Variants in SLCO4A1 observed in about 807,000 individuals in gnomAD.
The protein encoded by SLCO4A1 is solute carrier organic anion transporter family member 4A1.
SLCO4A1 carries 51 observed loss-of-function variants against 64.6 expected under a neutral mutation model. That is an observed-to-expected ratio of 0.79 (90% CI 0.63 to 1.00). SLCO4A1 has a LOEUF of 1.00. Ranked by LOEUF, SLCO4A1 falls within the 50% of genes least tolerant of loss-of-function variation. The pLI, the probability that SLCO4A1 is intolerant of heterozygous loss-of-function variation, is 0.00. For missense variants in SLCO4A1, 919 were observed against 980.5 expected (o/e 0.94, Z 0.84); for synonymous variants, 471 against 444.9 (o/e 1.06, Z -0.74).
In SLCO4A1 at chr20:62,656,905, A is replaced by G. The variant is rs1414535514; in HGVS notation, c.451A>G (p.Ile151Val). 6.4e-7 allele frequency: 1 copy of G among 1,570,502 alleles called. No individual in the cohort carries two copies. The highest frequency in any genetic ancestry group is 8.7e-7 in the Non-Finnish European group (1 of 1,152,386). ...CGGGCTCATCGCCAGCTCCTACGAC[A>G]TTGCCGCCTGCCTCTGCCTCACCTT... The part of the protein sequence containing the change: ...QSGLIASSYD[I>V]AACLCLTFVS... The change falls in exon 2 of 12, where the codon ATT (isoleucine) becomes GTT (valine). Residue 151 changes from isoleucine (I) to valine (V), a missense_variant. Ile to Val is a conservative substitution (Grantham distance 29). Transcript: ENST00000217159.
chr20:62,660,372 G>A (rs1223568801), intron 3 of SLCO4A1, 40 bp from the exon 4 acceptor site: 6 of 1,591,034 alleles, frequency 3.8e-6, no homozygotes, highest in Non-Finnish European at 5.1e-6. Context: ...GGGCACAGGT[G>A]GGCTGCACGC....
At chr20:62,668,804 C>A in intron 10 of SLCO4A1, 126 bp from the exon 11 acceptor site, 1 of 1,003,490 alleles carries the variant, frequency 1.0e-6, no homozygotes, top group Non-Finnish European at 1.4e-6. Flanking sequence ...TCTTTGCACC[C>A]CCTGAGAACT....
chr20:62,668,198 G>A lies in SLCO4A1; in HGVS notation c.1811+14G>A, dbSNP rs1306891260. 4.3e-6 allele frequency: 7 copies of A among 1,613,456 alleles called. No individual in the cohort carries two copies. The South Asian group carries it at 7.7e-5, about 18-fold the overall frequency. On this transcript the variant is annotated intron_variant, in intron 9 of 11. Transcript: ENST00000217159. Reference sequence around the variant, plus strand: ...GGCAACTCTACGGTAAGCTGGGGTCGGGTGTGCGCTTGTCCAGAGCTTTCC... The same window carrying A: ...GGCAACTCTACGGTAAGCTGGGGTCAGGTGTGCGCTTGTCCAGAGCTTTCC...
Position 62,685,544 on chromosome 20 carries a change from G to A in SLCO4A1, n.315G>A, listed in dbSNP as rs569255988. ...AAGGCCGTGATGGATGTGGAGTCTCGGCTTTCTGACAACGTCTTCCAGAGC... is the reference window on the plus strand; with the variant it reads ...AAGGCCGTGATGGATGTGGAGTCTCAGCTTTCTGACAACGTCTTCCAGAGC... On this transcript the variant is annotated non_coding_transcript_exon_variant, in exon 3 of 3. Coordinates refer to the SLCO4A1 transcript ENST00000466818. The surrounding 1 kb of genome is among the most constrained non-coding windows in gnomAD (Gnocchi z 4.6). 3.4e-5 allele frequency: 24 copies of A among 708,364 alleles called. No homozygotes were observed. The highest frequency in any genetic ancestry group is 2.6e-4 in the East Asian group (2 of 7,584). The allele number at this position is 708,364 out of a possible 1,614,324, so 43.9% of individuals were successfully genotyped here.
Position 62,667,840 on chromosome 20 carries a change from G to A in SLCO4A1, c.1568G>A (p.Gly523Asp), listed in dbSNP as rs368847385. The change falls in exon 8 of 12, where the codon GGC (glycine) becomes GAC (aspartate). Residue 523 changes from glycine (G) to aspartate (D), a missense_variant. Coordinates refer to ENST00000217159, the MANE Select transcript of SLCO4A1 (RefSeq NM_016354.4). The part of the protein sequence containing the change: ...EHYSPVCGSD[G>D]LMYFSLCHAG... ...TACAGCCCTGTGTGCGGCTCGGACG[G>A]CCTCATGTACTTCTCACTGTGCCAC... The A allele has an allele frequency of 6.2e-7, 1 of 1,613,396 alleles. No homozygotes were observed. Among genetic ancestry groups the A allele is most frequent in the South Asian group, 1.1e-5 (1 of 91,090 alleles).
intron 1 of SLCO4A1, among the ~76,000 whole-genome samples, chr20:62,647,239 G>A (rs113172608): frequency 6.8e-4 from 104 of 152,356 alleles, no homozygotes; most frequent in African/African-American, 2.4e-3. Context: ...GAGAGTCCCA[G>A]GTGTCTTGGG....
downstream of SLCO4A1, among the ~76,000 whole-genome samples, chr20:62,687,918 C>T (rs1039140399): frequency 3.3e-5 from 5 of 152,086 alleles, no homozygotes; most frequent in African/African-American, 1.2e-4. Context: ...ACTCACCTCC[C>T]GGCCATGTCC....
chr20:62,662,414 G>A (rs931252597), intron 5 of SLCO4A1, among the ~76,000 whole-genome samples: 16 of 152,266 alleles, frequency 1.1e-4, no homozygotes, highest in East Asian at 1.9e-4. Flanking sequence ...TGTTCCCAGC[G>A]TGGCTGTGAG....
intron 3 of SLCO4A1, 63 bp downstream of exon 3, chr20:62,658,830 C>A: frequency 1.5e-6 from 2 of 1,370,530 alleles, no homozygotes; most frequent in Non-Finnish European, 2.0e-6. Flanking sequence ...GAAGGGGGTT[C>A]AGAGTCAGCA....
intron 2 of SLCO4A1, among the ~76,000 whole-genome samples, chr20:62,682,467 G>A (rs1987877133): frequency 6.6e-6 from 1 of 152,180 alleles, no homozygotes; most frequent in African/African-American, 2.4e-5. Flanking sequence ...ACCACAGAGG[G>A]GACAGATGAG....
intron 2 of SLCO4A1, among the ~76,000 whole-genome samples, chr20:62,679,911 A>C (rs1187045356): frequency 1.3e-5 from 2 of 152,168 alleles, no homozygotes; most frequent in Non-Finnish European, 2.9e-5. Flanking sequence ...GAATAAAGGA[A>C]AGGTCTGCAG....
At chr20:62,678,955 G>A (rs1182755765) in intron 2 of SLCO4A1, among the ~76,000 whole-genome samples, 4 of 152,158 alleles carry the variant, frequency 2.6e-5, no homozygotes, top group Admixed American at 2.6e-4. Flanking sequence ...AAGGTGGCTC[G>A]CGCCTATAAT....
chr20:62,681,858 C>A (rs532119349), intron 2 of SLCO4A1, among the ~76,000 whole-genome samples: 2 of 149,394 alleles, frequency 1.3e-5, no homozygotes, highest in East Asian at 4.0e-4. Flanking sequence ...AAATACAGGA[C>A]TATTCACTTT....
chr20:62,664,411 C>T (rs570182175), intron 5 of SLCO4A1, among the ~76,000 whole-genome samples: 4 of 152,320 alleles, frequency 2.6e-5, no homozygotes, highest in African/African-American at 2.4e-5. Context: ...TCCCCATTCC[C>T]GTGATTCCAT....
intron 5 of SLCO4A1, among the ~76,000 whole-genome samples, chr20:62,662,012 T>C (rs1259532493): frequency 1.3e-5 from 2 of 152,128 alleles, no homozygotes; most frequent in Non-Finnish European, 2.9e-5. Context: ...GAGACTCTTG[T>C]GCCCTTGTAG....
At chr20:62,674,939 T>A (rs1241337190), downstream of SLCO4A1, among the ~76,000 whole-genome samples, 4 of 152,316 alleles carry the variant, frequency 2.6e-5, no homozygotes, top group East Asian at 7.7e-4. Flanking sequence ...GTAAGGCACG[T>A]CCGTTGTTTG....
intron 1 of SLCO4A1, among the ~76,000 whole-genome samples, chr20:62,646,242 T>C (rs1421140770): frequency 6.6e-6 from 1 of 151,896 alleles, no homozygotes; most frequent in Non-Finnish European, 1.5e-5. Context: ...CACAGGGCTC[T>C]CCTGGAGGAG....
rs1196678221 is a variant in SLCO4A1 at position 62,658,770 on chromosome 20, G to T, written c.887+3G>T. ...ATCTACACGGAAATGGGCCGACGGT[G>T]AGTGGCCGCGCACCCAGCTGCCTGC... On this transcript the variant is annotated splice_donor_region_variant and intron_variant, in intron 3 of 11. Coordinates refer to ENST00000217159, the MANE Select transcript of SLCO4A1 (RefSeq NM_016354.4). 6.2e-7 allele frequency: 1 copy of T among 1,601,108 alleles called. No homozygotes were observed. Among genetic ancestry groups the T allele is most frequent in the East Asian group, 2.3e-5 (1 of 44,414 alleles).
At chr20:62,675,485 G>T (rs1163079634), downstream of SLCO4A1, among the ~76,000 whole-genome samples, 1 of 152,154 alleles carries the variant, frequency 6.6e-6, no homozygotes, top group African/African-American at 2.4e-5. Context: ...TTGACAATCC[G>T]CCTGGCTCTG....
Sources: gnomAD v4.1 joint callset for allele counts (sites outside exome capture counted in the v4.1 genomes callset) on GRCh38, gnomAD v4.1.1 for gene constraint, Gnocchi (gnomAD v3.1) non-coding constraint, MANE v1.5 for transcripts, NCBI Gene and HGNC (gene_info 2026-07-23, HGNC 2026-07-21) for gene names.